The following CTCF variants were observed in gnomAD, a reference collection of about 807,000 sequenced individuals.
CTCF encodes transcriptional repressor CTCF.
A neutral mutation model predicts 72.3 loss-of-function variants in CTCF; 7 were observed. The ratio of observed to expected loss-of-function variants is 0.10; its 90% CI spans 0.06 to 0.18. The LOEUF (loss-of-function observed/expected upper bound fraction) is 0.18, where lower values mean the gene tolerates loss of function less well. Among genes scored for constraint, CTCF ranks in the 10% least tolerant of loss-of-function variants. The pLI is 1.00. For synonymous variants in CTCF, 374 were observed against 315.8 expected, an observed-to-expected ratio of 1.18 and a Z score of -1.95; for missense variants, 516 against 949.1, an observed-to-expected ratio of 0.54 and a Z score of 6.00.
rs1420684895 is a variant in CTCF, at chr16:67,638,352, G to T, written c.*480G>T. ...GAGTCAGCTGCACACCAGTAGTATG[G>T]CATGCTACGATCAGGTTCTGTCCTG... is the stretch of plus-strand genomic sequence containing the variant. On this transcript the variant is annotated 3_prime_UTR_variant, in exon 12 of 12. Coordinates refer to ENST00000264010, the MANE Select transcript of CTCF (RefSeq NM_006565.4). 8.8e-6 allele frequency: 2 copies of T among 226,612 alleles called. No homozygotes were observed. Among genetic ancestry groups the T allele is most frequent in the African/African-American group, 4.5e-5 (2 of 44,912 alleles). 14.0% of individuals were successfully genotyped at this position (226,612 alleles called of 1,614,324 possible). A position where few individuals can be genotyped will look rare whatever the true frequency, so the allele number is the denominator to read the frequency against.
chr16:67,600,685 A>AT (rs2051874803), intron 2 of CTCF, among the ~76,000 whole-genome samples: 1 of 152,158 alleles, frequency 6.6e-6, no homozygotes, highest in Non-Finnish European at 1.5e-5. Flanking sequence ...ATAAGGACAG[A>AT]TTTTTTGAGA....
chr16:67,621,823 C>T (rs951673385), intron 7 of CTCF, among the ~76,000 whole-genome samples: 2 of 138,992 alleles, frequency 1.4e-5, no homozygotes, highest in African/African-American at 5.5e-5. Context: ...CTGAGTAAAA[C>T]TCATCTATAA....
chr16:67,578,325 C>CT (rs944395345), intron 2 of CTCF, among the ~76,000 whole-genome samples: 4,642 of 84,394 alleles, frequency 0.055, 163 homozygotes, highest in Non-Finnish European at 0.075. Context: ...GTTTATGTAT[C>CT]TTTTTTTTTT....
intron 2 of CTCF, among the ~76,000 whole-genome samples, chr16:67,590,581 C>T (rs1238446646): frequency 1.3e-5 from 2 of 151,862 alleles, no homozygotes; most frequent in Admixed American, 6.6e-5. Flanking sequence ...TTGTGATCTG[C>T]CCACCTCGGC....
chr16:67,633,105 A>G (rs1205667777), intron 10 of CTCF, among the ~76,000 whole-genome samples: 1 of 152,228 alleles, frequency 6.6e-6, no homozygotes, highest in African/African-American at 2.4e-5. Context: ...CTATAAAATG[A>G]GGGTAACACC....
chr16:67,625,801 C>T (rs901925366), intron 7 of CTCF, among the ~76,000 whole-genome samples: 4 of 150,218 alleles, frequency 2.7e-5, no homozygotes, highest in Admixed American at 6.7e-5. Flanking sequence ...TTCTCTGTCC[C>T]CTATGCCCCC....
At chr16:67,603,652 C>T (rs2051929002) in intron 2 of CTCF, among the ~76,000 whole-genome samples, 1 of 151,718 alleles carries the variant, frequency 6.6e-6, no homozygotes, top group South Asian at 2.1e-4. Context: ...GGTGAAACCC[C>T]GTCTCTACTA....
chr16:67,584,562 A>G (rs1442928574), intron 2 of CTCF, among the ~76,000 whole-genome samples: 1 of 151,126 alleles, frequency 6.6e-6, no homozygotes, highest in Non-Finnish European at 1.5e-5. Flanking sequence ...TCCTGACCTC[A>G]TGATCCACCA....
At chr16:67,602,842 C>CAAAAA (rs75191313) in intron 2 of CTCF, among the ~76,000 whole-genome samples, 11 of 55,284 alleles carry the variant, frequency 2.0e-4, no homozygotes, top group East Asian at 5.2e-4. Context: ...ACTCCATCTC[C>CAAAAA]AAAAAAAAAA....
intron 1 of CTCF, chr16:67,567,882 A>T (rs2051362974): frequency 7.2e-6 from 1 of 138,646 alleles, no homozygotes; most frequent in East Asian, 2.1e-4. Context: ...GTGAGCCACC[A>T]TACTCGGCTT....
At chr16:67,564,952 A>C (rs1163109751) in intron 1 of CTCF, among the ~76,000 whole-genome samples, 1 of 152,066 alleles carries the variant, frequency 6.6e-6, no homozygotes, top group Non-Finnish European at 1.5e-5. Flanking sequence ...TTAAAAAACA[A>C]TCTACGGAGA....
At chr16:67,581,300 A>G (rs2051578014) in intron 2 of CTCF, among the ~76,000 whole-genome samples, 1 of 150,420 alleles carries the variant, frequency 6.6e-6, no homozygotes, top group South Asian at 2.1e-4. Context: ...GCGTGTTGTG[A>G]ACGTTTTTCC....
intron 1 of CTCF, among the ~76,000 whole-genome samples, chr16:67,564,274 C>A (rs533978774): frequency 6.6e-6 from 1 of 152,334 alleles, no homozygotes; most frequent in East Asian, 1.9e-4. Flanking sequence ...TAGTTCATTG[C>A]AGCAGTTAAT....
chr16:67,584,961 C>T (rs1403564084), intron 2 of CTCF, among the ~76,000 whole-genome samples: 1 of 152,164 alleles, frequency 6.6e-6, no homozygotes, highest in Non-Finnish European at 1.5e-5. Context: ...GACAGAAAAA[C>T]ATGCATCAAT....
intron 2 of CTCF, among the ~76,000 whole-genome samples, chr16:67,577,899 T>G (rs939585115): frequency 6.6e-6 from 1 of 152,168 alleles, no homozygotes; most frequent in Admixed American, 6.6e-5. Context: ...GATCCTCACT[T>G]AAATTTGGTC....
intron 4 of CTCF, among the ~76,000 whole-genome samples, chr16:67,613,827 G>A (rs1161587909): frequency 6.6e-6 from 1 of 152,160 alleles, no homozygotes; most frequent in Non-Finnish European, 1.5e-5. Context: ...GACTTCCCAA[G>A]ATGGGTGTGC....
chr16:67,629,623 A>G, intron 10 of CTCF, 90 bp downstream of exon 10: 1 of 1,330,828 alleles, frequency 7.5e-7, no homozygotes, highest in Non-Finnish European at 1.0e-6. Context: ...TGGGATATAG[A>G]GGCGGGCACA....
chr16:67,582,839 T>C (rs962031922), intron 2 of CTCF, among the ~76,000 whole-genome samples: 1 of 152,136 alleles, frequency 6.6e-6, no homozygotes, highest in Non-Finnish European at 1.5e-5. Context: ...TTTGCTGGTT[T>C]AATGACTTAC....
chr16:67,609,368 A>G (rs1356718271), intron 2 of CTCF, among the ~76,000 whole-genome samples: 1 of 152,200 alleles, frequency 6.6e-6, no homozygotes, highest in African/African-American at 2.4e-5. Context: ...CTGAAATTAT[A>G]TGTCCTTTAC....
Sources: allele counts gnomAD v4.1 joint callset (sites outside exome capture counted in the v4.1 genomes callset), GRCh38; gene constraint gnomAD v4.1.1; transcripts MANE v1.5; gene names NCBI Gene and HGNC (gene_info 2026-07-23, HGNC 2026-07-21).